The following CDCA7L variants were observed in gnomAD, a reference collection of about 807,000 sequenced individuals.
CDCA7L encodes cell division cycle-associated 7-like protein.
A neutral mutation model predicts 57.4 loss-of-function variants in CDCA7L; 44 were observed. The observed-to-expected ratio is 0.77, with a 90% CI of 0.60 to 0.98. The LOEUF (loss-of-function observed/expected upper bound fraction) is 0.98, where lower values mean the gene tolerates loss of function less well. CDCA7L is among the 50% of genes least tolerant of loss of function. The pLI, the probability that CDCA7L is intolerant of heterozygous loss-of-function variation, is 0.00. For missense variants in CDCA7L, 644 were observed against 580.6 expected, an observed-to-expected ratio of 1.11 and a Z score of -1.12; for synonymous variants, 236 against 202.8, an observed-to-expected ratio of 1.16 and a Z score of -1.39.
At chr7:21,905,177 C>T (rs1396734336) in intron 7 of CDCA7L, among the ~76,000 whole-genome samples, 1 of 152,110 alleles carries the variant, frequency 6.6e-6, no homozygotes, top group Non-Finnish European at 1.5e-5. Context: ...GGTTATATTA[C>T]CCCCCAAATA....
At chr7:21,926,376 A>G (rs759447149) in intron 1 of CDCA7L, among the ~76,000 whole-genome samples, 1 of 152,210 alleles carries the variant, frequency 6.6e-6, no homozygotes, top group African/African-American at 2.4e-5. Context: ...GAATGGGAGA[A>G]ATAGCTACAA....
chr7:21,919,281 T>C (rs1454263062), intron 1 of CDCA7L, among the ~76,000 whole-genome samples: 1 of 152,212 alleles, frequency 6.6e-6, no homozygotes, highest in Non-Finnish European at 1.5e-5. Context: ...AAATGTGTTA[T>C]AATCCATACT....
chr7:21,917,974 TTTG>T (rs1785538497), intron 1 of CDCA7L, among the ~76,000 whole-genome samples: 1 of 76,924 alleles, frequency 1.3e-5, no homozygotes, highest in South Asian at 4.6e-4. Context: ...GACACTGTTT[TTTG>T]TTGTTTTTCA....
At chr7:21,909,717 T>C (rs966167092) in intron 3 of CDCA7L, among the ~76,000 whole-genome samples, 1 of 152,198 alleles carries the variant, frequency 6.6e-6, no homozygotes, top group Non-Finnish European at 1.5e-5. Flanking sequence ...ACTTCAGTTT[T>C]GATCCATTTA....
intron 1 of CDCA7L, among the ~76,000 whole-genome samples, chr7:21,928,941 A>C (rs895539723): frequency 6.6e-6 from 1 of 152,194 alleles, no homozygotes; most frequent in Admixed American, 6.5e-5. Flanking sequence ...ATTCAAACTC[A>C]GAAAATACAA....
chr7:21,916,831 G>C lies in CDCA7L; in HGVS notation c.88C>G (p.Arg30Gly). The C allele has an allele frequency of 1.2e-6, 2 of 1,614,006 alleles. No homozygotes were observed. Among genetic ancestry groups the C allele is most frequent in the Non-Finnish European group, 1.7e-6 (2 of 1,179,952 alleles). The change falls in exon 2 of 10, where the codon CGA (arginine) becomes GGA (glycine). Residue 30 changes from arginine to glycine, a missense_variant. Physicochemically the swap from Arg to Gly is moderately radical, Grantham distance 125. Coordinates refer to ENST00000406877, the MANE Select transcript of CDCA7L (RefSeq NM_018719.5). The stretch of plus-strand genomic sequence containing the variant: ...AGGGTTTCCATGGGAACATCATCTC[G>C]GAAGCCAACAAACTCTTCATCATCA... The part of the protein sequence containing the change: ...PSDDEEFVGF[R>G]DDVPMETLSS...
chr7:21,930,252 A>G (rs1785964038), intron 1 of CDCA7L, among the ~76,000 whole-genome samples: 1 of 152,170 alleles, frequency 6.6e-6, no homozygotes, highest in South Asian at 2.1e-4. Context: ...AGAAATAAAT[A>G]AGTTCTTTGA....
chr7:21,944,228 C>T (rs1449834075), intron 1 of CDCA7L, among the ~76,000 whole-genome samples: 1 of 149,960 alleles, frequency 6.7e-6, no homozygotes, highest in African/African-American at 2.5e-5. Flanking sequence ...CACCTGAGGT[C>T]AGCAGTTCAA....
chr7:21,944,586 T>C (rs552787461), intron 1 of CDCA7L: 3 of 152,226 alleles, frequency 2.0e-5, no homozygotes, highest in Non-Finnish European at 4.4e-5. Flanking sequence ...AGGAGGCATT[T>C]TAAAAATATT....
intron 1 of CDCA7L, among the ~76,000 whole-genome samples, chr7:21,942,129 C>G (rs896279555): frequency 6.6e-6 from 1 of 152,202 alleles, no homozygotes; most frequent in Non-Finnish European, 1.5e-5. Context: ...AGTGTACTAA[C>G]CCAGTCAGCA....
chr7:21,914,581 G>C (rs1199012841), intron 2 of CDCA7L, among the ~76,000 whole-genome samples: 1 of 152,188 alleles, frequency 6.6e-6, no homozygotes, highest in Non-Finnish European at 1.5e-5. Context: ...AGAAAGGGCA[G>C]AACAGTGGAT....
At chr7:21,905,944 C>T (rs1450198184) in intron 6 of CDCA7L, among the ~76,000 whole-genome samples, 1 of 152,222 alleles carries the variant, frequency 6.6e-6, no homozygotes, top group Non-Finnish European at 1.5e-5. Context: ...AAACTGAAAG[C>T]GCTTGAAACG....
chr7:21,902,610 TTC>T, intron 9 of CDCA7L: 1 of 529,680 alleles, frequency 1.9e-6, no homozygotes, highest in South Asian at 2.3e-5. Context: ...GTAACTCACA[TTC>T]TGTCCTCTTG....
chr7:21,920,753 T>C (rs575297322), intron 1 of CDCA7L, among the ~76,000 whole-genome samples: 15 of 152,184 alleles, frequency 9.9e-5, no homozygotes, highest in Non-Finnish European at 1.5e-4. Flanking sequence ...CACCTTTTGT[T>C]GTTGTTTAGC....
At chr7:21,912,997 A>C (rs1785379728) in intron 2 of CDCA7L, among the ~76,000 whole-genome samples, 1 of 152,028 alleles carries the variant, frequency 6.6e-6, no homozygotes, top group African/African-American at 2.4e-5. Context: ...CCTCATCAAG[A>C]CTAGAGTCTG....
Position 21,943,261 on chromosome 7 carries a change from T to C in CDCA7L, c.24+2520A>G, listed in dbSNP as rs541844985. Among the ~76,000 whole-genome samples, 3 of 152,338 alleles carry C rather than the reference T, an allele frequency of 2.0e-5. No individual in the cohort carries two copies. In the East Asian group the frequency reaches 5.8e-4, roughly 29 times the overall value. Reference sequence around the variant, plus strand: ...TCAGAGGACATCAAATCCAACACACTGGTGGGATGGCAGGAAAGCAGACTC... The same window carrying C: ...TCAGAGGACATCAAATCCAACACACCGGTGGGATGGCAGGAAAGCAGACTC... On this transcript the variant is annotated intron_variant, in intron 1 of 9. Coordinates refer to ENST00000406877, the MANE Select transcript of CDCA7L (RefSeq NM_018719.5).
At chr7:21,937,968 A>G (rs896193292) in intron 1 of CDCA7L, among the ~76,000 whole-genome samples, 15 of 152,210 alleles carry the variant, frequency 9.9e-5, no homozygotes, top group Non-Finnish European at 1.2e-4. Context: ...CTAAAACTAT[A>G]AAACTCATGG....
rs865914841 is a variant in CDCA7L, at chr7:21,937,881, T to C, written c.24+7900A>G. On this transcript the variant is annotated intron_variant, in intron 1 of 9. Coordinates refer to ENST00000406877, the MANE Select transcript of CDCA7L (RefSeq NM_018719.5). Reference sequence around the variant, plus strand: ...TTTTCAACAAACAGTGCTGGGAAAATTGGATTAGGTTGGACCCTTACCTTA... The same window carrying C: ...TTTTCAACAAACAGTGCTGGGAAAACTGGATTAGGTTGGACCCTTACCTTA... Among the ~76,000 whole-genome samples the C allele has an allele frequency of 5.3e-5, 8 of 152,042 alleles. No homozygotes were observed. In the South Asian group the frequency reaches 1.7e-3, roughly 31 times the overall value.
chr7:21,901,029 A>G lies in CDCA7L; in HGVS notation c.*1293T>C. On this transcript the variant is annotated 3_prime_UTR_variant, in exon 10 of 10. Coordinates refer to ENST00000406877, the MANE Select transcript of CDCA7L (RefSeq NM_018719.5). The stretch of plus-strand genomic sequence containing the variant: ...TAGGCGCCCGCTGGGACACCCAAGC[A>G]GGAACCATTGTTGAAGCCCGTCTCA... 6.2e-7 allele frequency: 1 copy of G among 1,609,380 alleles called. No homozygotes were observed. Among genetic ancestry groups the G allele is most frequent in the Non-Finnish European group, 8.5e-7 (1 of 1,177,514 alleles).
Sources: gnomAD v4.1 joint callset for allele counts (sites outside exome capture counted in the v4.1 genomes callset) on GRCh38, gnomAD v4.1.1 for gene constraint, MANE v1.5 for transcripts, NCBI Gene and HGNC (gene_info 2026-07-23, HGNC 2026-07-21) for gene names.